The following SAMD3 variants were observed in gnomAD, a reference collection of about 807,000 sequenced individuals.
SAMD3 encodes sterile alpha motif domain-containing protein 3.
SAMD3 carries 63 observed loss-of-function variants against 58.5 expected under a neutral mutation model. The observed-to-expected ratio is 1.08, with a 90% CI of 0.88 to 1.33. The LOEUF (loss-of-function observed/expected upper bound fraction) is 1.33. SAMD3 is among the 40% of genes most tolerant of loss of function. SAMD3 has a pLI of 0.00. For synonymous variants in SAMD3, 220 were observed against 210.3 expected, an observed-to-expected ratio of 1.05 and a Z score of -0.40; for missense variants, 604 against 608.4, an observed-to-expected ratio of 0.99 and a Z score of 0.08.
At chr6:130,229,345 G>A (rs1350731679) in intron 2 of SAMD3, among the ~76,000 whole-genome samples, 8 of 152,152 alleles carry the variant, frequency 5.3e-5, no homozygotes, top group East Asian at 1.9e-4. Context: ...CGCCCATGTC[G>A]TAGACTTCAT....
intron 3 of SAMD3, among the ~76,000 whole-genome samples, chr6:130,214,877 C>T (rs1795897927): frequency 6.6e-6 from 1 of 152,056 alleles, no homozygotes; most frequent in African/African-American, 2.4e-5. Flanking sequence ...TTTATAAACC[C>T]AACACTACAC....
At chr6:130,205,640 G>A (rs1795021742) in intron 5 of SAMD3, among the ~76,000 whole-genome samples, 1 of 152,160 alleles carries the variant, frequency 6.6e-6, no homozygotes, top group Admixed American at 6.5e-5. Context: ...GAGCCTCTAT[G>A]TGTGAGGAGC....
intron 1 of SAMD3, among the ~76,000 whole-genome samples, chr6:130,315,477 C>T (rs1054260800): frequency 6.6e-6 from 1 of 151,964 alleles, no homozygotes; most frequent in Non-Finnish European, 1.5e-5. Flanking sequence ...ATAATATGTG[C>T]CTCTTTCCCA....
chr6:130,182,650 G>A (rs1792476624), intron 7 of SAMD3, among the ~76,000 whole-genome samples: 1 of 150,958 alleles, frequency 6.6e-6, no homozygotes, highest in Non-Finnish European at 1.5e-5. Flanking sequence ...GAGGAAGGAA[G>A]GAAGGAAGGA....
In SAMD3 at chr6:130,252,011, G is replaced by T. The variant is rs73607948; in HGVS notation, c.-187-29198C>A. ...CCTTGTTGAAAGTGGGCTATTGAAG[G>T]CTCCATTATTGTTGTCTTCTTCTCT... On this transcript the variant is annotated intron_variant, in intron 2 of 13. Transcript: ENST00000368134. Among the ~76,000 whole-genome samples, 1,249 of 151,736 alleles carry T rather than the reference G, an allele frequency of 8.2e-3. 18 individuals carry two copies. The highest frequency in any genetic ancestry group is 0.029 in the African/African-American group (1,187 of 41,346).
At position 130,192,213 on chromosome 6, in the gene SAMD3, G is replaced by A. The variant is rs1305834077; in HGVS notation, c.384-7590C>T. Among the ~76,000 whole-genome samples the A allele has an allele frequency of 4.6e-5, 7 of 152,336 alleles. No individual in the cohort carries two copies. The East Asian group carries it at 1.3e-3, about 29-fold the overall frequency. On this transcript the variant is annotated intron_variant, in intron 5 of 11. Coordinates refer to ENST00000439090, the MANE Select transcript of SAMD3 (RefSeq NM_001017373.4). ...ATTGTAGAAAGGTTTAGCAATGCTT[G>A]AGAAAGATATAAAATATCAAATATA...
chr6:130,334,324 A>G (rs1315748349), intron 1 of SAMD3, among the ~76,000 whole-genome samples: 1 of 152,190 alleles, frequency 6.6e-6, no homozygotes, highest in Non-Finnish European at 1.5e-5. Context: ...GCATATTATT[A>G]AAGAAAAAAC....
chr6:130,289,881 T>C (rs1420724219), intron 2 of SAMD3, among the ~76,000 whole-genome samples: 1 of 152,200 alleles, frequency 6.6e-6, no homozygotes, highest in East Asian at 1.9e-4. Flanking sequence ...ATATATAACA[T>C]ATTTGCTGTA....
chr6:130,340,330 C>T (rs1326321965), intron 1 of SAMD3, among the ~76,000 whole-genome samples: 1 of 152,132 alleles, frequency 6.6e-6, no homozygotes, highest in Non-Finnish European at 1.5e-5. Context: ...GACCTGTGGC[C>T]TCTTCAGTCT....
At chr6:130,262,915 G>T (rs188164853) in intron 2 of SAMD3, among the ~76,000 whole-genome samples, 3 of 152,156 alleles carry the variant, frequency 2.0e-5, no homozygotes, top group Admixed American at 1.3e-4. Flanking sequence ...AAAAATAAAA[G>T]CATAACAGGT....
At chr6:130,144,900 T>G in intron 11 of SAMD3, 96 bp from the exon 12 acceptor site, 1 of 1,129,318 alleles carries the variant, frequency 8.9e-7, no homozygotes, top group Non-Finnish European at 1.2e-6. Context: ...ATCAGCTTGT[T>G]GCAATGTAGC....
intron 2 of SAMD3, among the ~76,000 whole-genome samples, chr6:130,278,186 C>T (rs778188210): frequency 3.9e-5 from 6 of 152,178 alleles, no homozygotes; most frequent in Non-Finnish European, 8.8e-5. Context: ...GTGGACCCCA[C>T]CCAGGAACTG....
intron 1 of SAMD3, among the ~76,000 whole-genome samples, chr6:130,342,585 C>A (rs1777306067): frequency 6.6e-6 from 1 of 151,994 alleles, no homozygotes; most frequent in African/African-American, 2.4e-5. Context: ...ACATAAAATA[C>A]CATATCAGCT....
chr6:130,193,903 C>T (rs1166957677), intron 5 of SAMD3, among the ~76,000 whole-genome samples: 1 of 152,072 alleles, frequency 6.6e-6, no homozygotes, highest in African/African-American at 2.4e-5. Context: ...CCAAATCTTC[C>T]TTCTTTCCCT....
At chr6:130,290,835 T>C (rs1032214748) in intron 2 of SAMD3, among the ~76,000 whole-genome samples, 6 of 152,246 alleles carry the variant, frequency 3.9e-5, no homozygotes, top group African/African-American at 1.4e-4. Flanking sequence ...TTATTATTAC[T>C]GTTATTAAAT....
intron 1 of SAMD3, among the ~76,000 whole-genome samples, chr6:130,218,370 C>G (rs941443715): frequency 2.0e-5 from 3 of 152,182 alleles, no homozygotes; most frequent in Non-Finnish European, 2.9e-5. Flanking sequence ...CGGAGGCTCT[C>G]CGGGGACCTG....
intron 2 of SAMD3, among the ~76,000 whole-genome samples, chr6:130,291,060 C>T (rs1458096284): frequency 1.3e-5 from 2 of 151,834 alleles, no homozygotes; most frequent in Non-Finnish European, 2.9e-5. Flanking sequence ...ACAAAATATG[C>T]ATGCCATACA....
At chr6:130,315,093 T>C (rs1164345787) in intron 1 of SAMD3, among the ~76,000 whole-genome samples, 1 of 150,048 alleles carries the variant, frequency 6.7e-6, no homozygotes, top group East Asian at 2.0e-4. Flanking sequence ...GAGAATAATA[T>C]GGTGTTCTTG....
intron 1 of SAMD3, among the ~76,000 whole-genome samples, chr6:130,313,314 G>A (rs960140537): frequency 2.6e-5 from 4 of 152,140 alleles, no homozygotes; most frequent in African/African-American, 9.7e-5. Flanking sequence ...GTATTTGTAG[G>A]ATGTTTAGCA....
Sources: allele counts gnomAD v4.1 joint callset (sites outside exome capture counted in the v4.1 genomes callset), GRCh38; gene constraint gnomAD v4.1.1; transcripts MANE v1.5; gene names NCBI Gene and HGNC (gene_info 2026-07-23, HGNC 2026-07-21).